SNTG2: variants seen among roughly 807,000 people sequenced by gnomAD.
The protein encoded by SNTG2 is gamma-2-syntrophin.
Under a neutral mutation model 70.9 loss-of-function variants are expected in SNTG2, and 74 were observed. That is an observed-to-expected ratio of 1.04 (90% CI 0.86 to 1.27). SNTG2 has a LOEUF of 1.27. SNTG2 is among the 50% of genes most tolerant of loss of function. The pLI is 0.00. For synonymous variants in SNTG2, 278 were observed against 273.8 expected (o/e 1.02, Z -0.15); for missense variants, 717 against 690.7 (o/e 1.04, Z -0.43).
chr2:1,007,490 A>G (rs1659606716), intron 1 of SNTG2, among the ~76,000 whole-genome samples: 1 of 152,188 alleles, frequency 6.6e-6, no homozygotes, highest in Non-Finnish European at 1.5e-5. Flanking sequence ...AAATGGCATT[A>G]ATTATATGTG....
chr2:1,256,135 T>C (rs10178669), intron 12 of SNTG2, among the ~76,000 whole-genome samples: 45,261 of 151,244 alleles, frequency 0.3, 7,507 homozygotes, highest in African/African-American at 0.45. Context: ...ACCAAATGTT[T>C]CGGCACCATT....
intron 9 of SNTG2, among the ~76,000 whole-genome samples, chr2:1,228,285 C>A (rs796246544): frequency 1.4e-4 from 21 of 152,348 alleles, no homozygotes; most frequent in African/African-American, 5.0e-4. Flanking sequence ...AAATATGGTT[C>A]TCTTAGGATC....
At chr2:1,027,269 A>G (rs1401456241) in intron 1 of SNTG2, among the ~76,000 whole-genome samples, 1 of 152,034 alleles carries the variant, frequency 6.6e-6, no homozygotes, top group Non-Finnish European at 1.5e-5. Flanking sequence ...AGAGATAAGC[A>G]GGTGCGTCTG....
intron 15 of SNTG2, among the ~76,000 whole-genome samples, chr2:1,314,161 G>A (rs1305551586): frequency 6.6e-6 from 1 of 152,180 alleles, no homozygotes; most frequent in Non-Finnish European, 1.5e-5. Flanking sequence ...GACCACTACT[G>A]CGCTCTTTCT....
chr2:1,279,475 T>C (rs1679428458), intron 14 of SNTG2, among the ~76,000 whole-genome samples: 1 of 152,226 alleles, frequency 6.6e-6, no homozygotes, highest in Non-Finnish European at 1.5e-5. Context: ...CCTAAGGGTC[T>C]CGGAATGTAA....
chr2:1,118,881 T>C (rs1432942886), intron 4 of SNTG2, among the ~76,000 whole-genome samples: 1 of 152,130 alleles, frequency 6.6e-6, no homozygotes, highest in Non-Finnish European at 1.5e-5. Flanking sequence ...CTTGGAAGTT[T>C]TCAGTCTTGG....
At chr2:1,347,398 C>T (rs183179427) in intron 16 of SNTG2, among the ~76,000 whole-genome samples, 1 of 152,178 alleles carries the variant, frequency 6.6e-6, no homozygotes. Flanking sequence ...GCAAGTCAGA[C>T]CCCAGCTGAC....
At chr2:1,232,449 C>T (rs1324593144) in intron 9 of SNTG2, among the ~76,000 whole-genome samples, 1 of 152,066 alleles carries the variant, frequency 6.6e-6, no homozygotes, top group Non-Finnish European at 1.5e-5. Flanking sequence ...ACAGGCCCGC[C>T]ACCATGCCTG....
chr2:1,050,881 T>G (rs1433306171), intron 1 of SNTG2, among the ~76,000 whole-genome samples: 2 of 152,222 alleles, frequency 1.3e-5, no homozygotes, highest in African/African-American at 4.8e-5. Context: ...ACAGAAATTT[T>G]GCACATCTTT....
At chr2:1,339,146 A>G (rs1449720222) in intron 16 of SNTG2, among the ~76,000 whole-genome samples, 1 of 152,214 alleles carries the variant, frequency 6.6e-6, no homozygotes, top group Non-Finnish European at 1.5e-5. Flanking sequence ...ACCATGTGTT[A>G]AGGGGACATC....
chr2:1,294,119 C>T (rs1409042846), intron 14 of SNTG2, among the ~76,000 whole-genome samples: 2 of 152,214 alleles, frequency 1.3e-5, no homozygotes, highest in African/African-American at 4.8e-5. Context: ...CTCTCCAGAT[C>T]GTCTGTCCCT....
intron 14 of SNTG2, among the ~76,000 whole-genome samples, chr2:1,271,809 G>A (rs144264313): frequency 0.1 from 15,692 of 152,082 alleles, 831 homozygotes; most frequent in South Asian, 0.15. Context: ...CAAAGTACTC[G>A]TCTAGGGAAT....
At chr2:1,299,060 C>T (rs1348412930) in intron 14 of SNTG2, among the ~76,000 whole-genome samples, 1 of 152,198 alleles carries the variant, frequency 6.6e-6, no homozygotes, top group Non-Finnish European at 1.5e-5. Context: ...ATAAACTCCC[C>T]TTGATATATA....
chr2:1,255,935 A>AATATATAAATAT (rs1558603195), intron 12 of SNTG2, among the ~76,000 whole-genome samples: 2 of 57,880 alleles, frequency 3.5e-5, no homozygotes, highest in Non-Finnish European at 6.1e-5. Flanking sequence ...TAAATATATA[A>AATATATAAATAT]ATATATATAT....
At chr2:1,175,308 T>C (rs28637810) in intron 8 of SNTG2, among the ~76,000 whole-genome samples, 47,888 of 152,094 alleles carry the variant, frequency 0.31, 8,127 homozygotes, top group East Asian at 0.65. Context: ...TCAATATCAA[T>C]GGCAATATCA....
chr2:1,104,863 A>G (rs939638284), intron 4 of SNTG2, among the ~76,000 whole-genome samples: 1 of 152,114 alleles, frequency 6.6e-6, no homozygotes, highest in Non-Finnish European at 1.5e-5. Flanking sequence ...TTTTATCCTC[A>G]TGTTCATTGC....
intron 6 of SNTG2, among the ~76,000 whole-genome samples, chr2:1,142,132 C>T (rs1280739592): frequency 6.6e-6 from 1 of 152,202 alleles, no homozygotes; most frequent in Non-Finnish European, 1.5e-5. Flanking sequence ...GAGCCCAGGC[C>T]TCTTTACTGT....
rs199557630 is a variant in SNTG2 at position 1,361,709 on chromosome 2, G to A, written c.1489-5634G>A. Among the ~76,000 whole-genome samples, 145 of 18,280 alleles carry A rather than the reference G, an allele frequency of 7.9e-3. 2 individuals carry two copies. Among genetic ancestry groups the A allele is most frequent in the South Asian group, 0.029 (11 of 376 alleles). 12.0% of individuals were successfully genotyped at this position (18,280 alleles called of 152,430 possible). On this transcript the variant is annotated intron_variant, in intron 16 of 16. Coordinates refer to ENST00000308624, the MANE Select transcript of SNTG2 (RefSeq NM_018968.4). ...CGCTGAGCATTTCAGTAGAACTTCTGTGAAGGTCACCGATGCTGAGCATTT... is the reference window on the plus strand; with the variant it reads ...CGCTGAGCATTTCAGTAGAACTTCTATGAAGGTCACCGATGCTGAGCATTT...
chr2:1,032,104 G>C (rs1660871959), intron 1 of SNTG2, among the ~76,000 whole-genome samples: 1 of 152,114 alleles, frequency 6.6e-6, no homozygotes, highest in Admixed American at 6.5e-5. Flanking sequence ...AGGTGGAAGG[G>C]GGACCTGAAA....
Sources: gnomAD v4.1 joint callset for allele counts (sites outside exome capture counted in the v4.1 genomes callset) on GRCh38, gnomAD v4.1.1 for gene constraint, MANE v1.5 for transcripts, NCBI Gene and HGNC (gene_info 2026-07-23, HGNC 2026-07-21) for gene names.